ACBD4: variants seen among roughly 807,000 people sequenced by gnomAD.
The protein encoded by ACBD4 is acyl-CoA binding domain containing 4.
ACBD4 carries 41 observed loss-of-function variants against 46.0 expected under a neutral mutation model. The ratio of observed to expected loss-of-function variants is 0.89; its 90% CI spans 0.69 to 1.16. The LOEUF (loss-of-function observed/expected upper bound fraction) is 1.16. Ranked by LOEUF, ACBD4 falls within the 50% of genes most tolerant of loss-of-function variation. The pLI, the probability that ACBD4 is intolerant of heterozygous loss-of-function variation, is 0.00. For synonymous variants in ACBD4, 162 were observed against 155.9 expected (o/e 1.04, Z -0.29); for missense variants, 393 against 399.5 (o/e 0.98, Z 0.14).
chr17:45,139,387 C>T (rs2055119965), intron 9 of ACBD4, among the ~76,000 whole-genome samples: 1 of 152,174 alleles, frequency 6.6e-6, no homozygotes. Flanking sequence ...CCGTTCTCCC[C>T]TCCCTCTGCC....
At chr17:45,137,736 G>A (rs1316190232) in intron 6 of ACBD4, 24 bp from the exon 7 acceptor site, 1 of 1,613,680 alleles carries the variant, frequency 6.2e-7, no homozygotes, top group South Asian at 1.1e-5. Flanking sequence ...CCTCTGGGCA[G>A]TAACTCTACC....
upstream of ACBD4, among the ~76,000 whole-genome samples, chr17:45,134,564 CA>C (rs1163388269): frequency 1.3e-5 from 2 of 152,132 alleles, no homozygotes; most frequent in African/African-American, 4.8e-5. Flanking sequence ...ATCACGAGGT[CA>C]GGAGATCGAG....
intron 9 of ACBD4, 55 bp from the exon 10 acceptor site, chr17:45,143,388 G>T: frequency 7.0e-7 from 1 of 1,430,850 alleles, no homozygotes; most frequent in South Asian, 1.3e-5. Flanking sequence ...CAGGTTCCTA[G>T]GGAGGCTGTG....
At chr17:45,132,631 G>A (rs916963393), upstream of ACBD4, 1 of 262,372 alleles carries the variant, frequency 3.8e-6, no homozygotes, top group Non-Finnish European at 7.1e-6. This position sits in a 1 kb window ranked among gnomAD's most constrained non-coding sequence, Gnocchi z 4.6. Context: ...GCGGTGGCCT[G>A]GAAGCCCGGA....
In ACBD4 at chr17:45,139,105, A is replaced by G. The variant is rs16939879; in HGVS notation, c.734A>G (p.Gln245Arg). ...GTVRALQESM[Q>R]EVQARVQSLE... is the part of the protein sequence containing the mutation. ...GTTCGAGCACTACAGGAGAGCATGC[A>G]GGAGGTGCAGGCGAGGGTGCAGAGC... Residue 245 changes from glutamine to arginine, a missense_variant, in exon 9 of 10, where the codon CAG becomes CGG. Coordinates refer to ENST00000321854, the MANE Select transcript of ACBD4 (RefSeq NM_001135705.3). The G allele has an allele frequency of 0.07, 112,539 of 1,613,780 alleles. 4,750 individuals carry two copies. The highest frequency in any genetic ancestry group is 0.17 in the African/African-American group (12,863 of 75,008).
chr17:45,139,298 C>T, intron 9 of ACBD4, 138 bp downstream of exon 9: 2 of 923,914 alleles, frequency 2.2e-6, no homozygotes, highest in South Asian at 1.6e-5. Flanking sequence ...ATGGCTCCTG[C>T]TACAGGCAGG....
intron 2 of ACBD4, 43 bp downstream of exon 2, chr17:45,136,275 CCTGGGGT>C (rs2054823944): frequency 1.2e-5 from 19 of 1,605,822 alleles, no homozygotes; most frequent in Non-Finnish European, 1.5e-5. Context: ...ATTCAGGACG[CCTGGGGT>C]CTGACTCTGA....
chr17:45,134,377 A>G (rs544625288), upstream of ACBD4, among the ~76,000 whole-genome samples: 10 of 150,162 alleles, frequency 6.7e-5, no homozygotes, highest in East Asian at 1.8e-3. Context: ...TTTGGGAGGC[A>G]GAGGTGGGAT....
chr17:45,137,643 T>C, intron 6 of ACBD4, 117 bp from the exon 7 acceptor site: 2 of 1,367,146 alleles, frequency 1.5e-6, no homozygotes, highest in Non-Finnish European at 2.1e-6. Context: ...CAGGTGTTGA[T>C]ATCTCTAGTG....
chr17:45,139,862 A>C (rs910614599), intron 9 of ACBD4, among the ~76,000 whole-genome samples: 1 of 152,236 alleles, frequency 6.6e-6, no homozygotes, highest in African/African-American at 2.4e-5. Flanking sequence ...AGCCTTCTCC[A>C]GTCGGTTCTG....
At position 45,139,073 on chromosome 17, in the gene ACBD4, G is replaced by C. The variant is rs906453836; in HGVS notation, c.702G>C (p.Leu234=). 1 of 1,613,872 alleles carries C rather than the reference G, an allele frequency of 6.2e-7. No homozygotes were observed. The highest frequency in any genetic ancestry group is 8.5e-7 in the Non-Finnish European group (1 of 1,180,036). The stretch of plus-strand genomic sequence containing the variant: ...CCCAGGAGTTGGACGTGTGGCTGCT[G>C]GGGACAGTTCGAGCACTACAGGAGA... ...PGPQELDVWL[L]GTVRALQESM... is the part of the protein sequence containing the mutation. The change falls in exon 9 of 10, where the codon CTG becomes CTC. Residue 234 remains leucine, a synonymous_variant. Coordinates refer to ENST00000321854, the MANE Select transcript of ACBD4 (RefSeq NM_001135705.3).
In ACBD4 at chr17:45,136,509, GC is replaced by G. The variant is rs1937623148; in HGVS notation, c.102del (p.Ser35ProfsTer45). 4.3e-6 allele frequency: 7 copies of G among 1,612,722 alleles called. No homozygotes were observed. Among genetic ancestry groups the G allele is most frequent in the Non-Finnish European group, 5.9e-6 (7 of 1,179,320 alleles). ...CCAACTCTCTGCCCAGGTTCTTACC[GC>G]CCCTCCTATGAAGAGATGCTGCGAT... ...IQNLPKNGSY[R>X]PSYEEMLRFY... is the part of the protein sequence containing the mutation. On this transcript the variant is annotated frameshift_variant, in exon 3 of 10. Transcript: ENST00000321854. LOFTEE classifies it high-confidence loss of function.
At chr17:45,134,709 G>A (rs892037569), upstream of ACBD4, among the ~76,000 whole-genome samples, 2 of 151,970 alleles carry the variant, frequency 1.3e-5, no homozygotes, top group African/African-American at 2.4e-5. Context: ...CCCGGGAGGC[G>A]GAGATTGCAG....
chr17:45,138,097 G>A, intron 8 of ACBD4, 109 bp downstream of exon 8: 1 of 1,163,556 alleles, frequency 8.6e-7, no homozygotes, highest in Non-Finnish European at 1.2e-6. Context: ...TCCATTGCTG[G>A]GCACTGAGCG....
In ACBD4 at chr17:45,136,196, G is replaced by C; in HGVS notation, c.52G>C (p.Ala18Pro). ...GCCCGACTGCCAGAAACAGTTCCAG[G>C]CTGCAGTGAGCGTCATCCAGAACCT... Reference protein sequence around the residue: ...PEPDCQKQFQAAVSVIQNLPK... With the variant: ...PEPDCQKQFQPAVSVIQNLPK... Residue 18 changes from alanine to proline, a missense_variant, in exon 2 of 10, where the codon GCT (alanine) becomes CCT (proline). Coordinates refer to ENST00000321854, the MANE Select transcript of ACBD4 (RefSeq NM_001135705.3). The C allele has an allele frequency of 6.2e-7, 1 of 1,613,770 alleles. No individual in the cohort carries two copies. The highest frequency in any genetic ancestry group is 8.5e-7 in the Non-Finnish European group (1 of 1,179,846).
At chr17:45,140,472 C>A (rs1428984680) in intron 9 of ACBD4, among the ~76,000 whole-genome samples, 1 of 150,264 alleles carries the variant, frequency 6.7e-6, no homozygotes, top group Non-Finnish European at 1.5e-5. Context: ...TGAGCCACCA[C>A]GCCTGGCCCC....
chr17:45,139,718 C>T (rs2055143459), intron 9 of ACBD4, among the ~76,000 whole-genome samples: 1 of 152,194 alleles, frequency 6.6e-6, no homozygotes, highest in Admixed American at 6.5e-5. Context: ...CTTTTCACCT[C>T]CCTTTTAGAG....
chr17:45,137,096 T>A lies in ACBD4; in HGVS notation c.372T>A (p.Pro124=). 6.2e-7 allele frequency: 1 copy of A among 1,614,102 alleles called. No homozygotes were observed. The highest frequency in any genetic ancestry group is 1.1e-5 in the South Asian group (1 of 91,082). Reference sequence around the variant, plus strand: ...TCGAGCCCCTGTACCAGGTGATCCCTGACATGCCGAGGCCCCCAGAGACCT... The same window carrying A: ...TCGAGCCCCTGTACCAGGTGATCCCAGACATGCCGAGGCCCCCAGAGACCT... ...GYFEPLYQVI[P]DMPRPPETFL... Residue 124 remains proline (P), a synonymous_variant, in exon 5 of 10, where the codon CCT becomes CCA. Coordinates refer to ENST00000321854, the MANE Select transcript of ACBD4 (RefSeq NM_001135705.3).
At position 45,143,610 on chromosome 17, in the gene ACBD4, C is replaced by T; in HGVS notation, c.*39C>T. 6.2e-7 allele frequency: 1 copy of T among 1,613,962 alleles called. No individual in the cohort carries two copies. Among genetic ancestry groups the T allele is most frequent in the South Asian group, 1.1e-5 (1 of 91,086 alleles). ...GGTCTCTGCAGCCAACTGAGACTAT[C>T]TTGCTGTGCCCTGAGCCTTCCTAGG... On this transcript the variant is annotated 3_prime_UTR_variant, in exon 10 of 10. Coordinates refer to ENST00000321854, the MANE Select transcript of ACBD4 (RefSeq NM_001135705.3).
Sources: gnomAD v4.1 joint callset for allele counts (sites outside exome capture counted in the v4.1 genomes callset) on GRCh38, gnomAD v4.1.1 for gene constraint, Gnocchi (gnomAD v3.1) non-coding constraint, MANE v1.5 for transcripts, NCBI Gene and HGNC (gene_info 2026-07-23, HGNC 2026-07-21) for gene names.